Variants in BIRC6 observed in about 807,000 individuals in gnomAD.
BIRC6 encodes the protein baculoviral IAP repeat containing 6.
Under a neutral mutation model 503.3 loss-of-function variants are expected in BIRC6, and 98 were observed. The ratio of observed to expected loss-of-function variants is 0.19; its 90% confidence interval spans 0.17 to 0.23. The LOEUF (loss-of-function observed/expected upper bound fraction) is 0.23, where lower values mean the gene tolerates loss of function less well. Ranked by LOEUF, BIRC6 falls within the 10% of genes least tolerant of loss-of-function variation. The pLI is 1.00. For missense variants in BIRC6, 5,360 were observed against 5,806.0 expected, an observed-to-expected ratio of 0.92 and a Z score of 2.50; for synonymous variants, 2,240 against 2,078.7, an observed-to-expected ratio of 1.08 and a Z score of -2.11.
At chr2:32,509,497 C>G (rs552032944) in intron 51 of BIRC6, among the ~76,000 whole-genome samples, 1 of 152,154 alleles carries the variant, frequency 6.6e-6, no homozygotes, top group Non-Finnish European at 1.5e-5. Flanking sequence ...TTGTCATCCA[C>G]CTGCCTCGGC....
intron 28 of BIRC6, 28 bp from the exon 29 acceptor site, chr2:32,468,409 T>G: frequency 6.7e-7 from 1 of 1,492,664 alleles, no homozygotes; most frequent in Non-Finnish European, 9.0e-7. Context: ...TTACAAGAAT[T>G]ATTTTGTTCA....
chr2:32,401,409 A>G, intron 7 of BIRC6, 24 bp downstream of exon 7: 1 of 1,612,848 alleles, frequency 6.2e-7, no homozygotes, highest in Non-Finnish European at 8.5e-7. Context: ...TTGAAGTAAC[A>G]AATTAGTAAT....
intron 19 of BIRC6, among the ~76,000 whole-genome samples, chr2:32,443,134 G>C (rs930163924): frequency 2.0e-5 from 3 of 152,126 alleles, no homozygotes; most frequent in Non-Finnish European, 4.4e-5. Context: ...GTACTCACCT[G>C]TGTTTAGACT....
chr2:32,536,688 A>G (rs555003675), intron 61 of BIRC6, among the ~76,000 whole-genome samples: 8 of 152,276 alleles, frequency 5.3e-5, no homozygotes, highest in African/African-American at 1.9e-4. Context: ...TACCAGTACC[A>G]TGCTGTTTTG....
rs780199987 is a variant in BIRC6, at chr2:32,477,575, G to A, written c.7060G>A (p.Val2354Ile). The A allele has an allele frequency of 1.2e-6, 2 of 1,612,870 alleles. No homozygotes were observed. Among genetic ancestry groups the A allele is most frequent in the Non-Finnish European group, 1.7e-6 (2 of 1,179,228 alleles). Residue 2354 changes from valine (V) to isoleucine (I), a missense_variant, in exon 35 of 74, where the codon GTT (valine) becomes ATT (isoleucine). Physicochemically the swap from Val to Ile is conservative, Grantham distance 29 (BLOSUM62 3). Coordinates refer to ENST00000421745, the MANE Select transcript of BIRC6 (RefSeq NM_016252.4). ...FTCHADLLLFVCKVLARIANA... is the reference protein window; with the variant it reads ...FTCHADLLLFICKVLARIANA... ...ATGTCATGCAGATCTCTTATTGTTT[G>A]TTTGTAAGGTATGTAAACTATAAGT...
At chr2:32,605,121 G>A (rs1053668625) in intron 71 of BIRC6, among the ~76,000 whole-genome samples, 1 of 152,092 alleles carries the variant, frequency 6.6e-6, no homozygotes, top group Non-Finnish European at 1.5e-5. Context: ...GATCTCAAGT[G>A]ATCTGTCTGC....
chr2:32,587,036 A>G (rs1353959569), intron 66 of BIRC6, among the ~76,000 whole-genome samples: 1 of 152,242 alleles, frequency 6.6e-6, no homozygotes, highest in African/African-American at 2.4e-5. Flanking sequence ...GTAAATGATT[A>G]ATTAAAAATC....
At chr2:32,608,004 A>AT (rs2062587297) in intron 72 of BIRC6, among the ~76,000 whole-genome samples, 1 of 141,538 alleles carries the variant, frequency 7.1e-6, no homozygotes, top group African/African-American at 2.6e-5. Context: ...AAAAAAAGAC[A>AT]TTTTAAAATA....
At position 32,474,903 on chromosome 2, in the gene BIRC6, A is replaced by G. The variant is rs539222206; in HGVS notation, c.6721-1310A>G. Among the ~76,000 whole-genome samples, 599 of 152,190 alleles carry G rather than the reference A, an allele frequency of 3.9e-3. 3 individuals carry two copies. Among genetic ancestry groups the G allele is most frequent in the Non-Finnish European group, 5.7e-3 (387 of 67,990 alleles). ...GGAGATAACAGCCAAGTGGATTTTT[A>G]AAAATAACGTTAGTGATGTTTTTTT... On this transcript the variant is annotated intron_variant, in intron 33 of 73. Transcript: ENST00000421745.
chr2:32,473,749 G>GTGTGTA (rs1219703396), intron 33 of BIRC6, among the ~76,000 whole-genome samples: 1 of 81,180 alleles, frequency 1.2e-5, no homozygotes, highest in African/African-American at 4.9e-5. Flanking sequence ...GTGTGTGTGT[G>GTGTGTA]TATTTTTTTT....
intron 59 of BIRC6, 51 bp downstream of exon 59, chr2:32,525,679 C>T: frequency 2.0e-6 from 3 of 1,538,212 alleles, no homozygotes; most frequent in South Asian, 2.5e-5. Context: ...AGCCTTAAAA[C>T]TATGTAAATC....
At chr2:32,382,045 A>G (rs2037744561) in intron 3 of BIRC6, among the ~76,000 whole-genome samples, 1 of 152,238 alleles carries the variant, frequency 6.6e-6, no homozygotes, top group Non-Finnish European at 1.5e-5. Flanking sequence ...ATTTATTGTA[A>G]GAAATTAACT....
intron 4 of BIRC6, among the ~76,000 whole-genome samples, chr2:32,389,871 T>G (rs1573866355): frequency 6.6e-6 from 1 of 151,332 alleles, no homozygotes; most frequent in African/African-American, 2.4e-5. Flanking sequence ...TGATTTTTTT[T>G]TTTTTTTGAG....
intron 22 of BIRC6, among the ~76,000 whole-genome samples, chr2:32,453,444 A>G (rs919657034): frequency 1.3e-5 from 2 of 152,176 alleles, no homozygotes; most frequent in African/African-American, 4.8e-5. Context: ...GGTGATAGCT[A>G]ATGTGACTAG....
intron 55 of BIRC6, among the ~76,000 whole-genome samples, chr2:32,516,375 G>C (rs1428197192): frequency 2.0e-5 from 3 of 151,870 alleles, no homozygotes; most frequent in African/African-American, 7.3e-5. Flanking sequence ...AATTAGCCGA[G>C]TGTGGTGGCA....
In BIRC6 at chr2:32,499,739, G is replaced by C; in HGVS notation, c.8661G>C (p.Val2887=). ...VMSRSGSDSS[V]GARACFGGLF... ...CAAGAAGTGGATCAGATAGCTCCGT[G>C]GGTGCTCGAGCATGCTTTGGGGGAC... Residue 2887 remains valine (V), a synonymous_variant, in exon 46 of 74, where the codon GTG becomes GTC. Transcript: ENST00000421745. The C allele has an allele frequency of 6.2e-7, 1 of 1,613,956 alleles. No individual in the cohort carries two copies. Among genetic ancestry groups the C allele is most frequent in the Non-Finnish European group, 8.5e-7 (1 of 1,179,868 alleles).
chr2:32,390,506 G>A (rs572400720), intron 4 of BIRC6, among the ~76,000 whole-genome samples: 4 of 151,904 alleles, frequency 2.6e-5, no homozygotes, highest in African/African-American at 9.7e-5. Context: ...GTAAAGACAG[G>A]GTTTCACCAT....
intron 24 of BIRC6, among the ~76,000 whole-genome samples, chr2:32,464,157 G>C (rs561560815): frequency 1.3e-5 from 2 of 152,228 alleles, no homozygotes; most frequent in South Asian, 2.1e-4. Context: ...GAAATCTTTG[G>C]CAATTCCAGG....
chr2:32,362,031 A>C (rs75318957), intron 1 of BIRC6, among the ~76,000 whole-genome samples: 2 of 152,170 alleles, frequency 1.3e-5, no homozygotes, highest in African/African-American at 2.4e-5. Flanking sequence ...TAAGTTTTCA[A>C]ATCATTTGGG....
Sources: gnomAD v4.1 joint callset for allele counts (sites outside exome capture counted in the v4.1 genomes callset) on GRCh38, gnomAD v4.1.1 for gene constraint, MANE v1.5 for transcripts, NCBI Gene and HGNC (gene_info 2026-07-23, HGNC 2026-07-21) for gene names.